The following ACOXL variants were observed in gnomAD, a reference collection of about 807,000 sequenced individuals.
The protein encoded by ACOXL is acyl-CoA oxidase like, also known as acyl-coenzyme A oxidase-like protein.
A neutral mutation model predicts 71.9 loss-of-function variants in ACOXL; 70 were observed. That is an observed-to-expected ratio of 0.97 (90% CI 0.80 to 1.19). The LOEUF (loss-of-function observed/expected upper bound fraction) is 1.19, where lower values mean the gene tolerates loss of function less well. Among genes scored for constraint, ACOXL ranks in the 50% most tolerant of loss-of-function variants. ACOXL has a pLI of 0.00. For synonymous variants in ACOXL, 253 were observed against 281.6 expected (o/e 0.90, Z 1.02); for missense variants, 703 against 736.3 (o/e 0.95, Z 0.52).
intron 16 of ACOXL, among the ~76,000 whole-genome samples, chr2:111,076,768 A>G (rs2067621459): frequency 6.6e-6 from 1 of 152,226 alleles, no homozygotes; most frequent in Admixed American, 6.5e-5. Flanking sequence ...GAAGTCTGAA[A>G]TCGGTATCAC....
At chr2:111,033,000 T>G (rs1400091659) in intron 15 of ACOXL, among the ~76,000 whole-genome samples, 2 of 152,190 alleles carry the variant, frequency 1.3e-5, no homozygotes, top group African/African-American at 4.8e-5. Flanking sequence ...GTGAGCCTCC[T>G]AACACAGGGC....
At chr2:111,035,384 A>T (rs2065463096) in intron 15 of ACOXL, among the ~76,000 whole-genome samples, 1 of 152,240 alleles carries the variant, frequency 6.6e-6, no homozygotes, top group Admixed American at 6.5e-5. Context: ...TCTGTGATAC[A>T]CATTTTTGTC....
intron 11 of ACOXL, among the ~76,000 whole-genome samples, chr2:110,915,336 TTATA>T (rs60017192): frequency 5.4e-5 from 7 of 130,820 alleles, no homozygotes; most frequent in African/African-American, 8.4e-5. Context: ...TATATGCATT[TTATA>T]TATATATATA....
intron 14 of ACOXL, 72 bp from the exon 15 acceptor site, chr2:111,031,555 G>GCAGACGGCAACA (rs1553461257): frequency 1.1e-4 from 160 of 1,397,524 alleles, no homozygotes; most frequent in Non-Finnish European, 1.5e-4. Context: ...GATGTTTGCC[G>GCAGACGGCAACA]TCTGTCTTGC....
chr2:110,788,182 T>C (rs1025101023), intron 3 of ACOXL, among the ~76,000 whole-genome samples: 1 of 152,240 alleles, frequency 6.6e-6, no homozygotes, highest in African/African-American at 2.4e-5. Flanking sequence ...TAGATACTTG[T>C]GTGCCAGTGT....
intron 10 of ACOXL, among the ~76,000 whole-genome samples, chr2:110,891,755 G>C (rs915257810): frequency 2.0e-5 from 3 of 152,012 alleles, no homozygotes; most frequent in African/African-American, 7.3e-5. Flanking sequence ...AAAAGCAGTG[G>C]AACTAGGCAT....
At chr2:111,021,309 A>G (rs1028043580) in intron 14 of ACOXL, among the ~76,000 whole-genome samples, 1 of 152,190 alleles carries the variant, frequency 6.6e-6, no homozygotes, top group Non-Finnish European at 1.5e-5. Flanking sequence ...CTGTCTGGGC[A>G]CTTCTCTTTC....
chr2:110,752,296 C>T (rs1427975951), intron 1 of ACOXL, among the ~76,000 whole-genome samples: 1 of 152,108 alleles, frequency 6.6e-6, no homozygotes, highest in African/African-American at 2.4e-5. Flanking sequence ...ATGTGAGCCA[C>T]CGCACCTGGC....
rs575267131 is a variant in ACOXL at position 111,070,437 on chromosome 2, A to T, written c.1440+21149A>T. ...AGAAAACCAAGTACCACATGCTCTC[A>T]CTTATAAGTAGGAACACATGGACAC... On this transcript the variant is annotated intron_variant, in intron 16 of 17. Coordinates refer to ENST00000439055, the MANE Select transcript of ACOXL (RefSeq NM_001142807.4). 2.6e-5 allele frequency among the ~76,000 whole-genome samples: 4 copies of T among 152,286 alleles called. No individual in the cohort carries two copies. In the East Asian group the frequency reaches 7.7e-4, roughly 29 times the overall value.
intron 12 of ACOXL, among the ~76,000 whole-genome samples, chr2:110,984,857 C>CA (rs1212943749): frequency 2.0e-5 from 3 of 152,348 alleles, no homozygotes; most frequent in East Asian, 3.9e-4. Context: ...CTGGGCAGTA[C>CA]ATTGTCTGAT....
chr2:111,001,387 A>AAAGACAAAAC (rs1553453885), intron 14 of ACOXL, among the ~76,000 whole-genome samples: 7 of 150,932 alleles, frequency 4.6e-5, no homozygotes, highest in Non-Finnish European at 1.0e-4. Context: ...ACAAGTGGAG[A>AAAGACAAAAC]AAAACAAAAC....
intron 12 of ACOXL, among the ~76,000 whole-genome samples, chr2:110,938,927 G>A (rs1238988488): frequency 4.6e-5 from 7 of 152,030 alleles, no homozygotes; most frequent in Non-Finnish European, 8.8e-5. Flanking sequence ...CATAATGAGA[G>A]CAATGATGAC....
At chr2:110,953,275 CT>C (rs1212276847) in intron 12 of ACOXL, among the ~76,000 whole-genome samples, 5 of 149,834 alleles carry the variant, frequency 3.3e-5, no homozygotes, top group Admixed American at 6.7e-5. Context: ...ACACTAGTGG[CT>C]TTTTTTTTAG....
intron 13 of ACOXL, among the ~76,000 whole-genome samples, chr2:110,987,714 C>T (rs2062992350): frequency 6.6e-6 from 1 of 152,168 alleles, no homozygotes; most frequent in South Asian, 2.1e-4. Flanking sequence ...TGTTTTCCCT[C>T]AATATTTTGT....
At chr2:111,004,615 C>T (rs778994479) in intron 14 of ACOXL, among the ~76,000 whole-genome samples, 6 of 152,196 alleles carry the variant, frequency 3.9e-5, no homozygotes, top group Non-Finnish European at 7.4e-5. Context: ...GCAAACAACT[C>T]GTCATTACAG....
chr2:110,756,871 G>A (rs909336303), intron 1 of ACOXL, among the ~76,000 whole-genome samples: 2 of 151,758 alleles, frequency 1.3e-5, no homozygotes, highest in African/African-American at 4.8e-5. Context: ...AAAATTTTAC[G>A]GGAGATTTGC....
chr2:111,117,529 G>C, intron 17 of ACOXL, 87 bp from the exon 18 acceptor site: 1 of 1,373,186 alleles, frequency 7.3e-7, no homozygotes, highest in East Asian at 2.5e-5. Flanking sequence ...CTGTGTGTGC[G>C]GGTGCTTGGT....
intron 16 of ACOXL, among the ~76,000 whole-genome samples, chr2:111,086,630 C>T (rs192458156): frequency 9.7e-4 from 148 of 151,946 alleles, no homozygotes; most frequent in African/African-American, 3.3e-3. Context: ...TGAACATCTT[C>T]GACAAAAGGC....
chr2:110,935,780 G>A (rs563695273), intron 12 of ACOXL, among the ~76,000 whole-genome samples: 1 of 150,066 alleles, frequency 6.7e-6, no homozygotes, highest in Non-Finnish European at 1.5e-5. Context: ...AGGGTGCTCT[G>A]CAACAGTGGC....
Sources: gnomAD v4.1 joint callset for allele counts (sites outside exome capture counted in the v4.1 genomes callset) on GRCh38, gnomAD v4.1.1 for gene constraint, MANE v1.5 for transcripts, NCBI Gene and HGNC (gene_info 2026-07-23, HGNC 2026-07-21) for gene names.